GRID2: variants seen among roughly 807,000 people sequenced by gnomAD.
GRID2 encodes the protein glutamate receptor ionotropic, delta-2.
A neutral mutation model predicts 114.8 loss-of-function variants in GRID2; 33 were observed. The observed-to-expected ratio is 0.29, with a 90% CI of 0.22 to 0.38. The LOEUF is 0.38. GRID2 is among the 10% of genes least tolerant of loss of function. The probability of loss-of-function intolerance (pLI) is 1.00; values close to 1 mark genes in which losing one functional copy is unlikely to be tolerated. For synonymous variants in GRID2, 505 were observed against 449.9 expected (o/e 1.12, Z -1.55); for missense variants, 1,184 against 1,257.7 (o/e 0.94, Z 0.89).
chr4:93,325,938 T>G (rs1445923045), intron 8 of GRID2, among the ~76,000 whole-genome samples: 2 of 152,162 alleles, frequency 1.3e-5, no homozygotes, highest in Non-Finnish European at 2.9e-5. Context: ...TCTCAAGAGA[T>G]ACATTTTGTG....
chr4:93,570,120 T>C (rs1735801897), intron 13 of GRID2, among the ~76,000 whole-genome samples: 1 of 152,192 alleles, frequency 6.6e-6, no homozygotes, highest in African/African-American at 2.4e-5. Flanking sequence ...ATAAATGAAA[T>C]ATAAGTGATT....
At chr4:93,524,813 A>G (rs866417563) in intron 13 of GRID2, among the ~76,000 whole-genome samples, 2 of 61,956 alleles carry the variant, frequency 3.2e-5, no homozygotes, top group African/African-American at 1.1e-4. Flanking sequence ...ATATATATAT[A>G]TGTATGTATG....
intron 1 of GRID2, among the ~76,000 whole-genome samples, chr4:92,356,940 G>A (rs2110193968): frequency 6.6e-6 from 1 of 151,814 alleles, no homozygotes; most frequent in Non-Finnish European, 1.5e-5. Context: ...TAGCAAGGTT[G>A]GAATACCATA....
intron 3 of GRID2, among the ~76,000 whole-genome samples, chr4:93,085,549 A>G (rs1730262921): frequency 6.6e-6 from 1 of 152,166 alleles, no homozygotes; most frequent in African/African-American, 2.4e-5. Context: ...TGATTCCAAT[A>G]CATCTTGATT....
At chr4:93,768,588 A>T (rs1463877951) in intron 14 of GRID2, among the ~76,000 whole-genome samples, 1 of 152,196 alleles carries the variant, frequency 6.6e-6, no homozygotes, top group Non-Finnish European at 1.5e-5. Context: ...CCCCTTTGGC[A>T]TTAAAAGGGA....
intron 8 of GRID2, among the ~76,000 whole-genome samples, chr4:93,347,712 T>G (rs1478992012): frequency 1.3e-5 from 2 of 152,170 alleles, no homozygotes; most frequent in African/African-American, 4.8e-5. Context: ...TACTATTTGT[T>G]ATCTCATTCT....
rs774459764 is a variant in GRID2 at position 93,085,081 on chromosome 4, G to A, written c.331G>A (p.Ala111Thr). 8.7e-6 allele frequency: 14 copies of A among 1,613,984 alleles called. No homozygotes were observed. Among genetic ancestry groups the A allele is most frequent in the African/African-American group, 4.0e-5 (3 of 74,938 alleles). ...SAGSLQSLAD[A>T]MHIPHLFIQR... ...AGGATCCCTCCAGTCTTTGGCAGAC[G>A]CCATGCATATCCCCCACCTCTTCAT... Residue 111 changes from alanine to threonine, a missense_variant, in exon 3 of 16, where the codon GCC becomes ACC. By Grantham distance (58) the Ala-to-Thr change is moderately conservative. Coordinates refer to ENST00000282020, the MANE Select transcript of GRID2 (RefSeq NM_001510.4).
At chr4:92,677,152 G>T (rs1490674293) in intron 2 of GRID2, among the ~76,000 whole-genome samples, 1 of 152,116 alleles carries the variant, frequency 6.6e-6, no homozygotes, top group Non-Finnish European at 1.5e-5. Context: ...AATGTGTACA[G>T]TTTCAGTAGG....
intron 4 of GRID2, among the ~76,000 whole-genome samples, chr4:93,183,230 T>C (rs1021685881): frequency 1.3e-5 from 2 of 152,148 alleles, no homozygotes; most frequent in African/African-American, 4.8e-5. Context: ...TCCATTTGGG[T>C]AAAATTTTTT....
At chr4:92,387,733 C>T (rs1012532897) in intron 1 of GRID2, among the ~76,000 whole-genome samples, 3 of 151,932 alleles carry the variant, frequency 2.0e-5, no homozygotes, top group African/African-American at 4.8e-5. Flanking sequence ...TGATAGATTA[C>T]CTATTTAAAG....
chr4:93,455,585 TCGAGG>T, intron 10 of GRID2, 72 bp from the exon 11 acceptor site: 2 of 944,542 alleles, frequency 2.1e-6, no homozygotes, highest in Non-Finnish European at 3.3e-6. Flanking sequence ...TTTTTTTTCC[TCGAGG>T]CAAGCTGAAG....
At chr4:93,589,613 C>A (rs1737957127) in intron 13 of GRID2, among the ~76,000 whole-genome samples, 1 of 151,834 alleles carries the variant, frequency 6.6e-6, no homozygotes, top group Admixed American at 6.6e-5. Flanking sequence ...TTCTAGATCC[C>A]TGAGGAATCG....
At chr4:93,602,648 C>A (rs947972303) in intron 13 of GRID2, among the ~76,000 whole-genome samples, 4 of 152,148 alleles carry the variant, frequency 2.6e-5, no homozygotes, top group African/African-American at 9.7e-5. Flanking sequence ...GCTGCTTCAC[C>A]GACTGACAGT....
chr4:93,207,313 C>A, intron 4 of GRID2, 91 bp from the exon 5 acceptor site: 1 of 869,862 alleles, frequency 1.1e-6, no homozygotes, highest in East Asian at 2.4e-5. Context: ...ACATACGATT[C>A]ATTTTTTGTC....
At chr4:92,433,156 C>T (rs1732550648) in intron 1 of GRID2, among the ~76,000 whole-genome samples, 1 of 152,090 alleles carries the variant, frequency 6.6e-6, no homozygotes, top group African/African-American at 2.4e-5. Context: ...CCCCTATCCT[C>T]TCTTCAAGTA....
intron 7 of GRID2, among the ~76,000 whole-genome samples, chr4:93,229,352 C>G (rs1441859055): frequency 6.6e-6 from 1 of 152,080 alleles, no homozygotes; most frequent in Non-Finnish European, 1.5e-5. Flanking sequence ...GTGGCCTGGG[C>G]CTTTTTGTTG....
intron 2 of GRID2, among the ~76,000 whole-genome samples, chr4:92,810,606 G>A (rs753649781): frequency 2.0e-5 from 3 of 152,180 alleles, no homozygotes; most frequent in Non-Finnish European, 2.9e-5. Context: ...ACAAGGTTGT[G>A]TGTAAATCTG....
At chr4:92,562,207 A>G (rs569128008) in intron 1 of GRID2, among the ~76,000 whole-genome samples, 4 of 152,290 alleles carry the variant, frequency 2.6e-5, no homozygotes, top group African/African-American at 9.6e-5. Flanking sequence ...CTTGAAAAGA[A>G]CAAGTTCAGT....
chr4:92,437,838 T>C (rs1403482600), intron 1 of GRID2, among the ~76,000 whole-genome samples: 1 of 152,220 alleles, frequency 6.6e-6, no homozygotes, highest in Non-Finnish European at 1.5e-5. Flanking sequence ...TAAGAATTAA[T>C]ACCTAAAGAA....
Sources: gnomAD v4.1 joint callset for allele counts (sites outside exome capture counted in the v4.1 genomes callset) on GRCh38, gnomAD v4.1.1 for gene constraint, MANE v1.5 for transcripts, NCBI Gene and HGNC (gene_info 2026-07-23, HGNC 2026-07-21) for gene names.